Variants in SOBP observed in about 807,000 individuals in gnomAD.
SOBP encodes sine oculis binding protein homolog.
In SOBP, 4 loss-of-function variants were observed where a neutral mutation model predicts 53.6. The ratio of observed to expected loss-of-function variants is 0.07; its 90% CI spans 0.04 to 0.17. The LOEUF (loss-of-function observed/expected upper bound fraction) is 0.17. Among genes scored for constraint, SOBP ranks in the 10% least tolerant of loss-of-function variants. SOBP has a pLI of 1.00. For synonymous variants in SOBP, 584 were observed against 522.6 expected (o/e 1.12, Z -1.60); for missense variants, 1,088 against 1,204.7 (o/e 0.90, Z 1.43).
chr6:107,657,903 G>T (rs990076768), intron 6 of SOBP, among the ~76,000 whole-genome samples: 10 of 152,002 alleles, frequency 6.6e-5, no homozygotes, highest in African/African-American at 2.4e-4. Flanking sequence ...AGGGTTGCTG[G>T]GTTGCAAAGG....
Position 107,620,970 on chromosome 6 carries a change from C to T in SOBP, c.670-12544C>T, listed in dbSNP as rs182217522. The T allele has an allele frequency of 7.6e-4, 118 of 155,660 alleles. 2 individuals carry two copies. In the South Asian group the frequency reaches 0.014, roughly 18 times the overall value. The allele number at this position is 155,660 out of a possible 1,614,324, so 9.6% of individuals were successfully genotyped here. A position where few individuals can be genotyped will look rare whatever the true frequency, so the allele number is the denominator to read the frequency against. ...TAGGCCAAAGAATGATGTCATTAGT[C>T]ATACAGAGGTTAGGAAATGGGGGTT... On this transcript the variant is annotated intron_variant, in intron 5 of 6. Transcript: ENST00000317357.
intron 1 of SOBP, among the ~76,000 whole-genome samples, chr6:107,496,955 C>A (rs1045770040): frequency 1.3e-5 from 2 of 152,230 alleles, no homozygotes; most frequent in Non-Finnish European, 2.9e-5. Flanking sequence ...AAAGACAGCT[C>A]AGACTCAGCC....
intron 3 of SOBP, among the ~76,000 whole-genome samples, chr6:107,523,445 G>A (rs1022683873): frequency 3.9e-5 from 6 of 152,250 alleles, no homozygotes; most frequent in African/African-American, 1.4e-4. Flanking sequence ...ATTGAATGCA[G>A]TTCTGCATAC....
Position 107,636,971 on chromosome 6 carries a change from C to T in SOBP, c.*3+1502C>T, listed in dbSNP as rs117440963. 5.3e-3 allele frequency among the ~76,000 whole-genome samples: 810 copies of T among 152,238 alleles called. 6 individuals are homozygous for T. The highest frequency in any genetic ancestry group is 9.9e-3 in the East Asian group (51 of 5,174). On this transcript the variant is annotated intron_variant, in intron 6 of 6. Coordinates refer to ENST00000317357, the MANE Select transcript of SOBP (RefSeq NM_018013.4). ...GATGCAAATCCAGGCTGTCTGACTC[C>T]AGAGCTGCATTTTTTAAAAAACCAC...
chr6:107,494,954 AAG>A (rs147467788), intron 1 of SOBP, among the ~76,000 whole-genome samples: 9,007 of 152,014 alleles, frequency 0.059, 374 homozygotes, highest in Non-Finnish European at 0.091. Flanking sequence ...GCTTGATTTT[AAG>A]AGAGAGAGAG....
chr6:107,527,594 G>C (rs1434307394), intron 3 of SOBP, among the ~76,000 whole-genome samples: 6 of 152,080 alleles, frequency 3.9e-5, no homozygotes, highest in African/African-American at 7.2e-5. Context: ...ATATTTAATC[G>C]TATTTGATCC....
At chr6:107,648,861 TATAA>T (rs1389272923) in intron 6 of SOBP, among the ~76,000 whole-genome samples, 1 of 152,146 alleles carries the variant, frequency 6.6e-6, no homozygotes, top group African/African-American at 2.4e-5. Context: ...GAAATAAGTA[TATAA>T]AAATGCCTGG....
At position 107,634,930 on chromosome 6, in the gene SOBP, G is replaced by A. The variant is rs1770945731; in HGVS notation, c.2086G>A (p.Gly696Ser). Residue 696 changes from glycine to serine, a missense_variant, in exon 6 of 7, where the codon GGC becomes AGC. This residue lies in a region of SOBP where 665 missense variants were observed against 629.7 expected (regional missense o/e 1.06). Coordinates refer to ENST00000317357, the MANE Select transcript of SOBP (RefSeq NM_018013.4). This position sits in a 1 kb window ranked among gnomAD's most constrained non-coding sequence, Gnocchi z 4.5. ...ERRTCGGCRD[G>S]HCSPPAAGDP... is the part of the protein sequence containing the mutation. ...CAGGACCTGCGGCGGCTGCAGGGAC[G>A]GCCACTGCAGCCCGCCCGCCGCCGG... 1.8e-6 allele frequency: 2 copies of A among 1,130,658 alleles called. No individual in the cohort carries two copies. Among genetic ancestry groups the A allele is most frequent in the East Asian group, 4.9e-5 (1 of 20,592 alleles). The allele number at this position is 1,130,658 out of a possible 1,614,324, so 70.0% of individuals were successfully genotyped here. A position where few individuals can be genotyped will look rare whatever the true frequency, so the allele number is the denominator to read the frequency against.
At chr6:107,595,596 A>G (rs1394363287) in intron 5 of SOBP, among the ~76,000 whole-genome samples, 1 of 152,192 alleles carries the variant, frequency 6.6e-6, no homozygotes, top group African/African-American at 2.4e-5. Flanking sequence ...TATACATCAT[A>G]TATCAAGCAA....
chr6:107,490,809 T>G lies in SOBP; in HGVS notation c.96+97T>G, dbSNP rs916197238. ...GATCTGGGGGGTACCGGGGCGCGCT[T>G]GTCAGTTTCTGTAGGATGCCCAGAA... On this transcript the variant is annotated intron_variant, in intron 1 of 6. Transcript: ENST00000317357. The G allele has an allele frequency of 5.5e-6, 5 of 911,870 alleles. 1 individual carries two copies. The highest frequency in any genetic ancestry group is 3.1e-4 in the Middle Eastern group (1 of 3,266). 56.5% of individuals were successfully genotyped at this position (911,870 alleles called of 1,614,324 possible).
chr6:107,624,743 G>A (rs1770381581), intron 5 of SOBP, among the ~76,000 whole-genome samples: 1 of 151,850 alleles, frequency 6.6e-6, no homozygotes. Flanking sequence ...GTTTGTCTCT[G>A]TCACAGGAAG....
In SOBP at chr6:107,658,298, C is replaced by A. The variant is rs548576981; in HGVS notation, c.*95C>A. ...TGACACCAGCTGGTCAGCTCACCAC[C>A]CCCTCTGGCTAAAACTCAAGCAAAT... On this transcript the variant is annotated 3_prime_UTR_variant, in exon 7 of 7. Coordinates refer to ENST00000317357, the MANE Select transcript of SOBP (RefSeq NM_018013.4). The A allele has an allele frequency of 1.4e-3, 211 of 152,968 alleles. 1 individual carries two copies. Among genetic ancestry groups the A allele is most frequent in the Admixed American group, 2.0e-3 (31 of 15,298 alleles). 9.5% of individuals were successfully genotyped at this position (152,968 alleles called of 1,614,324 possible). A position where few individuals can be genotyped will look rare whatever the true frequency, so the allele number is the denominator to read the frequency against.
chr6:107,604,675 C>G (rs2115090224), intron 5 of SOBP, among the ~76,000 whole-genome samples: 1 of 152,278 alleles, frequency 6.6e-6, no homozygotes, highest in South Asian at 2.1e-4. Context: ...CTCTCTGAAC[C>G]TTCACTGCAA....
chr6:107,626,146 A>T (rs1037979693), intron 5 of SOBP, among the ~76,000 whole-genome samples: 1 of 152,230 alleles, frequency 6.6e-6, no homozygotes, highest in African/African-American at 2.4e-5. Flanking sequence ...AATACATTTT[A>T]AAAAAAGAGG....
intron 5 of SOBP, among the ~76,000 whole-genome samples, chr6:107,596,122 C>G (rs142767115): frequency 6.6e-6 from 1 of 152,282 alleles, no homozygotes; most frequent in African/African-American, 2.4e-5. Context: ...CCTTGTCTCT[C>G]TCATTCATTG....
intron 5 of SOBP, among the ~76,000 whole-genome samples, chr6:107,590,695 T>G (rs2115064552): frequency 6.6e-6 from 1 of 152,258 alleles, no homozygotes; most frequent in East Asian, 1.9e-4. Context: ...AATGCCTGTG[T>G]AGGGAGTATA....
intron 3 of SOBP, among the ~76,000 whole-genome samples, chr6:107,524,396 G>C (rs781045474): frequency 2.0e-4 from 30 of 152,210 alleles, no homozygotes; most frequent in African/African-American, 6.3e-4. Flanking sequence ...TTGCTCAGAG[G>C]TTCAGATTGA....
Position 107,635,440 on chromosome 6 carries a change from C to T in SOBP, c.2596C>T (p.Leu866Phe). ...DLEPPLKRRCLRIRNQNK is the reference protein window; with the variant it reads ...DLEPPLKRRCFRIRNQNK ...GGAGCCGCCGCTCAAAAGGAGGTGCCTCCGAATTAGAAATCAGAATAAGTA... is the reference window on the plus strand; with the variant it reads ...GGAGCCGCCGCTCAAAAGGAGGTGCTTCCGAATTAGAAATCAGAATAAGTA... The change falls in exon 6 of 7, where the codon CTC (leucine) becomes TTC (phenylalanine). Residue 866 changes from leucine (L) to phenylalanine (F), a missense_variant. This residue lies in a region of SOBP where 665 missense variants were observed against 629.7 expected (regional missense o/e 1.06). Transcript: ENST00000317357. The surrounding 1 kb of genome is among the most constrained non-coding windows in gnomAD (Gnocchi z 4.5). 6.2e-7 allele frequency: 1 copy of T among 1,613,482 alleles called. No homozygotes were observed. Among genetic ancestry groups the T allele is most frequent in the Non-Finnish European group, 8.5e-7 (1 of 1,180,028 alleles).
chr6:107,557,453 A>T (rs555079492), intron 4 of SOBP, among the ~76,000 whole-genome samples: 1 of 152,330 alleles, frequency 6.6e-6, no homozygotes, highest in African/African-American at 2.4e-5. Flanking sequence ...ATTATGGAAG[A>T]TATAGCCATT....
Sources: gnomAD v4.1 joint callset for allele counts (sites outside exome capture counted in the v4.1 genomes callset) on GRCh38, gnomAD v4.1.1 for gene constraint, gnomAD v4.1.1 regional missense constraint, Gnocchi (gnomAD v3.1) non-coding constraint, MANE v1.5 for transcripts, NCBI Gene and HGNC (gene_info 2026-07-23, HGNC 2026-07-21) for gene names.